The following RPS6KC1 variants were observed in gnomAD, a reference collection of about 807,000 sequenced individuals.
The protein encoded by RPS6KC1 is ribosomal protein S6 kinase C1.
A neutral mutation model predicts 103.8 loss-of-function variants in RPS6KC1; 54 were observed. The ratio of observed to expected loss-of-function variants is 0.52; its 90% confidence interval spans 0.42 to 0.65. The LOEUF (loss-of-function observed/expected upper bound fraction) is 0.65, where lower values mean the gene tolerates loss of function less well. Ranked by LOEUF, RPS6KC1 falls within the 30% of genes least tolerant of loss-of-function variation. The pLI, the probability that RPS6KC1 is intolerant of heterozygous loss-of-function variation, is 0.00. For missense variants in RPS6KC1, 1,151 were observed against 1,253.8 expected (o/e 0.92, Z 1.24); for synonymous variants, 439 against 438.7 (o/e 1.00, Z -0.01).
chr1:213,488,697 G>A, the RPS6KC1 span, among the ~76,000 whole-genome samples: 1 of 152,160 alleles, frequency 6.6e-6, no homozygotes, highest in Non-Finnish European at 1.5e-5. Context: ...TTCATTTCCT[G>A]CAAAACTGCA....
chr1:213,400,982 C>G, the RPS6KC1 span, among the ~76,000 whole-genome samples: 1 of 152,162 alleles, frequency 6.6e-6, no homozygotes, highest in Non-Finnish European at 1.5e-5. Context: ...GCTGGGATTA[C>G]AGGTGTGAGC....
At chr1:213,526,620 C>A in the RPS6KC1 span, among the ~76,000 whole-genome samples, 1 of 152,172 alleles carries the variant, frequency 6.6e-6, no homozygotes, top group Non-Finnish European at 1.5e-5. Context: ...CATTCTGACA[C>A]AGCGATCCAA....
At chr1:213,183,669 T>G (rs2092394731) in intron 8 of RPS6KC1, among the ~76,000 whole-genome samples, 1 of 152,082 alleles carries the variant, frequency 6.6e-6, no homozygotes. Context: ...GAGAGAAACT[T>G]ATAACACTAA....
the RPS6KC1 span, among the ~76,000 whole-genome samples, chr1:213,569,325 T>C: frequency 2.0e-5 from 3 of 152,178 alleles, no homozygotes; most frequent in Non-Finnish European, 4.4e-5. Context: ...GTCTGTTGCA[T>C]TGTAAATGTT....
the RPS6KC1 span, among the ~76,000 whole-genome samples, chr1:213,661,889 G>A: frequency 9.2e-4 from 140 of 152,248 alleles, no homozygotes; most frequent in Middle Eastern, 3.4e-3. Context: ...GTAAAATAGT[G>A]GAGATTGAAT....
At chr1:213,115,260 C>G (rs1391796295) in intron 4 of RPS6KC1, among the ~76,000 whole-genome samples, 1 of 151,920 alleles carries the variant, frequency 6.6e-6, no homozygotes, top group Admixed American at 6.6e-5. Context: ...AGAGATTCAA[C>G]TTCTTCCTGG....
chr1:213,860,060 T>C, the RPS6KC1 span, among the ~76,000 whole-genome samples: 1 of 151,774 alleles, frequency 6.6e-6, no homozygotes, highest in African/African-American at 2.4e-5. Context: ...TGTATCATTG[T>C]ATTTTAGGGC....
the RPS6KC1 span, among the ~76,000 whole-genome samples, chr1:213,671,282 A>G: frequency 6.6e-6 from 1 of 152,350 alleles, no homozygotes; most frequent in East Asian, 1.9e-4. Context: ...CAAAGAGACA[A>G]ATACCACATG....
At chr1:213,136,595 C>G (rs371994723) in intron 6 of RPS6KC1, among the ~76,000 whole-genome samples, 1 of 152,144 alleles carries the variant, frequency 6.6e-6, no homozygotes, top group Non-Finnish European at 1.5e-5. Flanking sequence ...TGTTCTCTTA[C>G]ATGTTTCTTA....
the RPS6KC1 span, among the ~76,000 whole-genome samples, chr1:213,667,567 T>A: frequency 1.3e-5 from 2 of 152,242 alleles, no homozygotes; most frequent in Non-Finnish European, 1.5e-5. Flanking sequence ...CGTTGATGGT[T>A]GTTGACTAAT....
At chr1:213,590,604 G>A in the RPS6KC1 span, among the ~76,000 whole-genome samples, 1 of 152,130 alleles carries the variant, frequency 6.6e-6, no homozygotes, top group African/African-American at 2.4e-5. Flanking sequence ...TCCTGAGTTG[G>A]GGTGAAGGGA....
At chr1:213,775,834 C>T in the RPS6KC1 span, among the ~76,000 whole-genome samples, 2 of 152,192 alleles carry the variant, frequency 1.3e-5, no homozygotes, top group Non-Finnish European at 2.9e-5. Flanking sequence ...TTAGAATCAT[C>T]TCTCTCAAAC....
the RPS6KC1 span, among the ~76,000 whole-genome samples, chr1:213,823,040 C>T: frequency 1.3e-5 from 2 of 152,144 alleles, no homozygotes; most frequent in African/African-American, 4.8e-5. Flanking sequence ...ATTTCCCAGG[C>T]CCTGCCCGTG....
the RPS6KC1 span, among the ~76,000 whole-genome samples, chr1:213,610,431 C>A: frequency 6.6e-6 from 1 of 152,106 alleles, no homozygotes; most frequent in South Asian, 2.1e-4. Flanking sequence ...CAGAGGGAAA[C>A]CAGGGAAACG....
At chr1:213,629,835 A>C in the RPS6KC1 span, among the ~76,000 whole-genome samples, 21,817 of 152,014 alleles carry the variant, frequency 0.14, 2,500 homozygotes, top group African/African-American at 0.32. Flanking sequence ...TTTCTCCTTC[A>C]CTTATGAAGC....
chr1:213,581,533 G>A, the RPS6KC1 span, among the ~76,000 whole-genome samples: 3 of 152,072 alleles, frequency 2.0e-5, no homozygotes, highest in Non-Finnish European at 4.4e-5. Flanking sequence ...CAAGGGGCAT[G>A]GGCTCGAGAG....
the RPS6KC1 span, among the ~76,000 whole-genome samples, chr1:213,656,669 C>G: frequency 6.6e-5 from 10 of 152,054 alleles, no homozygotes; most frequent in Admixed American, 2.6e-4. Context: ...GGTCCAGGGT[C>G]CATTCCTCTG....
At chr1:213,431,548 T>C in the RPS6KC1 span, among the ~76,000 whole-genome samples, 4 of 152,198 alleles carry the variant, frequency 2.6e-5, no homozygotes, top group East Asian at 7.7e-4. Context: ...TAGGTCTTGC[T>C]TCTTTTATTC....
chr1:213,185,317 C>T (rs1425006524), intron 8 of RPS6KC1, among the ~76,000 whole-genome samples: 1 of 152,064 alleles, frequency 6.6e-6, no homozygotes, highest in Admixed American at 6.6e-5. Context: ...ATAGTTGGGT[C>T]TTATTTCTTT....
Sources: allele counts gnomAD v4.1 joint callset (sites outside exome capture counted in the v4.1 genomes callset), GRCh38; gene constraint gnomAD v4.1.1; transcripts MANE v1.5; gene names NCBI Gene and HGNC (gene_info 2026-07-23, HGNC 2026-07-21).